SLC22A4: variants seen among roughly 807,000 people sequenced by gnomAD.
SLC22A4 encodes solute carrier family 22 member 4.
Under a neutral mutation model 56.6 loss-of-function variants are expected in SLC22A4, and 39 were observed. The ratio of observed to expected loss-of-function variants is 0.69; its 90% CI spans 0.53 to 0.90. The LOEUF is 0.90. SLC22A4 is among the 40% of genes least tolerant of loss of function. The probability of loss-of-function intolerance (pLI) is 0.00; values close to 1 mark genes in which losing one functional copy is unlikely to be tolerated. For missense variants in SLC22A4, 594 were observed against 696.5 expected, an observed-to-expected ratio of 0.85 and a Z score of 1.66; for synonymous variants, 241 against 281.4, an observed-to-expected ratio of 0.86 and a Z score of 1.44.
intron 1 of SLC22A4, among the ~76,000 whole-genome samples, chr5:132,297,088 C>T (rs1425446352): frequency 1.3e-5 from 2 of 152,108 alleles, no homozygotes; most frequent in Admixed American, 6.5e-5. Context: ...GAGGCTGAGG[C>T]GGGCAGATTA....
intron 9 of SLC22A4, among the ~76,000 whole-genome samples, chr5:132,341,315 G>T (rs1396228219): frequency 1.3e-5 from 2 of 151,858 alleles, no homozygotes; most frequent in African/African-American, 4.8e-5. Context: ...CTACTCAGGA[G>T]GCTGAGGTAG....
At chr5:132,326,223 C>T (rs764848032) in intron 4 of SLC22A4, among the ~76,000 whole-genome samples, 31 of 152,316 alleles carry the variant, frequency 2.0e-4, no homozygotes, top group Non-Finnish European at 3.7e-4. Flanking sequence ...GCTTGCCTGC[C>T]CTGCATCCCT....
intron 1 of SLC22A4, among the ~76,000 whole-genome samples, chr5:132,309,444 A>G (rs1199574008): frequency 6.6e-6 from 1 of 152,264 alleles, no homozygotes; most frequent in East Asian, 1.9e-4. Flanking sequence ...CCTGTGCTGC[A>G]TGATGCTGAC....
chr5:132,317,651 G>A (rs1477486795), intron 3 of SLC22A4, among the ~76,000 whole-genome samples: 2 of 152,148 alleles, frequency 1.3e-5, no homozygotes, highest in Non-Finnish European at 2.9e-5. Flanking sequence ...TAATTCTCTT[G>A]GGTATAAGGT....
At chr5:132,332,487 G>A (rs563728685) in intron 6 of SLC22A4, among the ~76,000 whole-genome samples, 1 of 152,248 alleles carries the variant, frequency 6.6e-6, no homozygotes, top group African/African-American at 2.4e-5. Context: ...CGTGTTGCCT[G>A]AGGCAGAGAT....
chr5:132,303,756 G>C (rs144658529), intron 1 of SLC22A4, among the ~76,000 whole-genome samples: 20 of 152,292 alleles, frequency 1.3e-4, no homozygotes, highest in African/African-American at 4.3e-4. Flanking sequence ...TCATACGGCA[G>C]AGATTCCACA....
intron 1 of SLC22A4, among the ~76,000 whole-genome samples, chr5:132,300,913 G>A (rs1321434528): frequency 6.6e-6 from 1 of 152,214 alleles, no homozygotes; most frequent in Non-Finnish European, 1.5e-5. Context: ...TGATGCTGGG[G>A]TCCTCATCCC....
At chr5:132,342,325 G>T (rs891658735) in intron 9 of SLC22A4, among the ~76,000 whole-genome samples, 1 of 152,166 alleles carries the variant, frequency 6.6e-6, no homozygotes, top group African/African-American at 2.4e-5. Context: ...GTTTACAGAA[G>T]AAGTCACTTC....
At chr5:132,304,338 C>G (rs1376189270) in intron 1 of SLC22A4, among the ~76,000 whole-genome samples, 2 of 152,216 alleles carry the variant, frequency 1.3e-5, no homozygotes, top group Admixed American at 1.3e-4. Context: ...AAAGATCAGA[C>G]TGGCGTGGTG....
Position 132,294,475 on chromosome 5 carries a change from G to A in SLC22A4, c.-142G>A, listed in dbSNP as rs746117624. The A allele has an allele frequency of 2.0e-4, 245 of 1,201,380 alleles. No individual in the cohort carries two copies. Among genetic ancestry groups the A allele is most frequent in the Non-Finnish European group, 2.7e-4 (231 of 847,898 alleles). The allele number at this position is 1,201,380 out of a possible 1,614,324, so 74.4% of individuals were successfully genotyped here. On this transcript the variant is annotated 5_prime_UTR_variant, in exon 1 of 10. Transcript: ENST00000200652. This position sits in a 1 kb window ranked among gnomAD's most constrained non-coding sequence, Gnocchi z 5.6. ...AGCCTGTTTCCCAGGAACGGTCCCC[G>A]GCTTCGCGCCCCAATTTCTAACAGC...
At chr5:132,330,247 A>C (rs1750817516) in intron 5 of SLC22A4, among the ~76,000 whole-genome samples, 1 of 152,174 alleles carries the variant, frequency 6.6e-6, no homozygotes, top group Non-Finnish European at 1.5e-5. Context: ...TCTTCATAAT[A>C]AAAACTCCTC....
In SLC22A4 at chr5:132,344,125, T is replaced by C; in HGVS notation, c.*290T>C. ...AGGACTGGTAAAATACATATAAAGA[T>C]TAACACTCATTTCCAATCATACAAA... On this transcript the variant is annotated 3_prime_UTR_variant, in exon 10 of 10. Coordinates refer to ENST00000200652, the MANE Select transcript of SLC22A4 (RefSeq NM_003059.3). The C allele has an allele frequency of 2.9e-6, 1 of 346,934 alleles. No individual in the cohort carries two copies. Among genetic ancestry groups the C allele is most frequent in the Non-Finnish European group, 5.2e-6 (1 of 191,144 alleles). The allele number at this position is 346,934 out of a possible 1,614,324, so 21.5% of individuals were successfully genotyped here. A position where few individuals can be genotyped will look rare whatever the true frequency, so the allele number is the denominator to read the frequency against.
intron 2 of SLC22A4, among the ~76,000 whole-genome samples, chr5:132,313,316 G>C (rs1750237442): frequency 6.6e-6 from 1 of 152,178 alleles, no homozygotes; most frequent in Non-Finnish European, 1.5e-5. Flanking sequence ...GAAATGTGCT[G>C]GTAGCATCTA....
intron 6 of SLC22A4, chr5:132,332,313 A>AG (rs1051265447): frequency 7.3e-6 from 1 of 136,432 alleles, no homozygotes; most frequent in African/African-American, 3.2e-5. Context: ...GACTCCATCT[A>AG]AAAAAAAAAA....
intron 1 of SLC22A4, among the ~76,000 whole-genome samples, chr5:132,307,250 G>C (rs1354692163): frequency 6.6e-6 from 1 of 152,102 alleles, no homozygotes; most frequent in Non-Finnish European, 1.5e-5. Context: ...AACTGGGGTG[G>C]ATGTATAGTC....
intron 1 of SLC22A4, among the ~76,000 whole-genome samples, chr5:132,308,945 G>C: frequency 6.6e-6 from 1 of 152,342 alleles, no homozygotes. Flanking sequence ...ATGTGTGTGT[G>C]CATGTATGTA....
chr5:132,318,773 A>G (rs1750437348), intron 3 of SLC22A4, among the ~76,000 whole-genome samples: 1 of 152,124 alleles, frequency 6.6e-6, no homozygotes, highest in South Asian at 2.1e-4. Flanking sequence ...TTTCACTCCC[A>G]GGAGAAACTC....
At chr5:132,326,449 T>C (rs1400443939) in intron 4 of SLC22A4, among the ~76,000 whole-genome samples, 1 of 152,234 alleles carries the variant, frequency 6.6e-6, no homozygotes, top group African/African-American at 2.4e-5. Context: ...ATATCATTTT[T>C]CTCCTATAGT....
At chr5:132,343,377 A>G (rs1390220406) in intron 9 of SLC22A4, among the ~76,000 whole-genome samples, 2 of 152,262 alleles carry the variant, frequency 1.3e-5, no homozygotes, top group East Asian at 3.8e-4. Context: ...TGATAAAGGT[A>G]ACTCTGCATA....
Sources: gnomAD v4.1 joint callset for allele counts (sites outside exome capture counted in the v4.1 genomes callset) on GRCh38, gnomAD v4.1.1 for gene constraint, Gnocchi (gnomAD v3.1) non-coding constraint, MANE v1.5 for transcripts, NCBI Gene and HGNC (gene_info 2026-07-23, HGNC 2026-07-21) for gene names.